SKAP1: variants seen among roughly 807,000 people sequenced by gnomAD.
SKAP1 encodes the protein src kinase-associated phosphoprotein 1.
A neutral mutation model predicts 58.5 loss-of-function variants in SKAP1; 44 were observed. That is an observed-to-expected ratio of 0.75 (90% CI 0.59 to 0.97). SKAP1 has a LOEUF of 0.97. SKAP1 is among the 50% of genes least tolerant of loss of function. The pLI, the probability that SKAP1 is intolerant of heterozygous loss-of-function variation, is 0.00. For missense variants in SKAP1, 390 were observed against 435.2 expected (o/e 0.90, Z 0.92); for synonymous variants, 127 against 149.7 (o/e 0.85, Z 1.11).
intron 4 of SKAP1, among the ~76,000 whole-genome samples, chr17:48,316,006 T>A (rs2066281105): frequency 6.6e-6 from 1 of 152,148 alleles, no homozygotes; most frequent in Non-Finnish European, 1.5e-5. Context: ...TATGCTAATA[T>A]TTTCCTCCCA....
At chr17:48,379,808 A>C (rs2067193605) in intron 2 of SKAP1, among the ~76,000 whole-genome samples, 1 of 151,148 alleles carries the variant, frequency 6.6e-6, no homozygotes, top group Non-Finnish European at 1.5e-5. Context: ...CGGCCTCCTG[A>C]GTAGCTGGGA....
chr17:48,425,758 A>G (rs2067848211), intron 1 of SKAP1, among the ~76,000 whole-genome samples: 1 of 152,264 alleles, frequency 6.6e-6, no homozygotes. Flanking sequence ...GTAGACACAC[A>G]GACAAGGGTG....
chr17:48,134,773 G>A (rs1417850688), intron 12 of SKAP1, among the ~76,000 whole-genome samples: 1 of 150,274 alleles, frequency 6.7e-6, no homozygotes, highest in Non-Finnish European at 1.5e-5. Context: ...GCGCGATCTC[G>A]GCTCACTGCA....
chr17:48,150,979 G>A (rs1239980930), intron 11 of SKAP1, among the ~76,000 whole-genome samples: 1 of 151,688 alleles, frequency 6.6e-6, no homozygotes, highest in African/African-American at 2.4e-5. Context: ...AGAAGACTTA[G>A]GAGGTCAACA....
intron 4 of SKAP1, among the ~76,000 whole-genome samples, chr17:48,220,953 A>G (rs530351739): frequency 2.6e-5 from 4 of 151,518 alleles, no homozygotes; most frequent in Non-Finnish European, 4.4e-5. Flanking sequence ...TAGGGCTTAC[A>G]TAAGTGTGTT....
intron 4 of SKAP1, among the ~76,000 whole-genome samples, chr17:48,317,200 T>A (rs1373541168): frequency 2.0e-5 from 3 of 152,044 alleles, no homozygotes; most frequent in African/African-American, 7.2e-5. Context: ...GGACTCCCAA[T>A]GGAAATAAAC....
intron 4 of SKAP1, among the ~76,000 whole-genome samples, chr17:48,287,020 C>T (rs1285314984): frequency 1.3e-5 from 2 of 151,906 alleles, no homozygotes; most frequent in South Asian, 2.1e-4. Flanking sequence ...TGCTTGAACC[C>T]GGGAGGTGGA....
intron 2 of SKAP1, among the ~76,000 whole-genome samples, chr17:48,374,852 C>T (rs912903717): frequency 1.3e-5 from 2 of 152,136 alleles, no homozygotes; most frequent in African/African-American, 4.8e-5. Flanking sequence ...GGTGGAAGTC[C>T]CCAGTGGAGG....
chr17:48,154,268 A>G (rs545418949), intron 11 of SKAP1, among the ~76,000 whole-genome samples: 18 of 152,240 alleles, frequency 1.2e-4, no homozygotes, highest in Non-Finnish European at 2.5e-4. Context: ...GCTGCAGTCC[A>G]GGGTGACAAA....
At chr17:48,189,388 T>C (rs531969347) in intron 5 of SKAP1, 35 bp downstream of exon 5, 3 of 1,544,862 alleles carry the variant, frequency 1.9e-6, no homozygotes, top group African/African-American at 1.4e-5. Context: ...CTTCCCTTCC[T>C]GGAATGTTCT....
chr17:48,240,553 A>C (rs1431972728), intron 4 of SKAP1, among the ~76,000 whole-genome samples: 1 of 152,252 alleles, frequency 6.6e-6, no homozygotes, highest in Admixed American at 6.5e-5. Context: ...CAGTTGTCCC[A>C]TATTCAGACA....
chr17:48,359,086 G>GA (rs1278054878), intron 3 of SKAP1, among the ~76,000 whole-genome samples: 2 of 151,648 alleles, frequency 1.3e-5, no homozygotes, highest in African/African-American at 4.8e-5. Flanking sequence ...AGAGATAAAA[G>GA]AAAAATGTTA....
intron 1 of SKAP1, among the ~76,000 whole-genome samples, chr17:48,427,492 G>A (rs548803522): frequency 6.6e-6 from 1 of 152,040 alleles, no homozygotes; most frequent in South Asian, 2.1e-4. Flanking sequence ...AGGTTTCTAG[G>A]TCGAGTGAAA....
intron 1 of SKAP1, among the ~76,000 whole-genome samples, chr17:48,405,439 TTC>T (rs1491389029): frequency 2.4e-5 from 2 of 83,552 alleles, no homozygotes; most frequent in African/African-American, 9.3e-5. Flanking sequence ...CTTTCTTTCT[TTC>T]TTTCTTTCTT....
chr17:48,393,630 C>T (rs1278374015), intron 2 of SKAP1, among the ~76,000 whole-genome samples: 1 of 152,104 alleles, frequency 6.6e-6, no homozygotes, highest in Non-Finnish European at 1.5e-5. Flanking sequence ...AGAGCTAAGC[C>T]CCTAAAGTTT....
chr17:48,136,292 C>T (rs1194823072), intron 12 of SKAP1, among the ~76,000 whole-genome samples: 1 of 151,830 alleles, frequency 6.6e-6, no homozygotes, highest in Non-Finnish European at 1.5e-5. Context: ...CTGCCTCAGC[C>T]TCCTGAGTAG....
intron 4 of SKAP1, among the ~76,000 whole-genome samples, chr17:48,199,837 C>T (rs887194022): frequency 1.6e-4 from 24 of 151,932 alleles, no homozygotes; most frequent in African/African-American, 5.8e-4. Context: ...AGAGATGACA[C>T]CATGGAAGAA....
intron 1 of SKAP1, 117 bp from the exon 2 acceptor site, chr17:48,396,902 A>C: frequency 1.6e-6 from 1 of 632,566 alleles, no homozygotes; most frequent in Non-Finnish European, 2.6e-6. Context: ...CAATGTGCAC[A>C]TGTACCCTAA....
At chr17:48,434,787 A>G (rs996048429), upstream of SKAP1, among the ~76,000 whole-genome samples, 1 of 152,180 alleles carries the variant, frequency 6.6e-6, no homozygotes, top group Non-Finnish European at 1.5e-5. Flanking sequence ...CCTAAGATAG[A>G]TAGTTACAGC....
Sources: allele counts gnomAD v4.1 joint callset (sites outside exome capture counted in the v4.1 genomes callset), GRCh38; gene constraint gnomAD v4.1.1; transcripts MANE v1.5; gene names NCBI Gene and HGNC (gene_info 2026-07-23, HGNC 2026-07-21).